Variants in USP24 observed in about 807,000 individuals in gnomAD.
USP24 encodes the protein ubiquitin carboxyl-terminal hydrolase 24.
USP24 carries 97 observed loss-of-function variants against 361.6 expected under a neutral mutation model. The ratio of observed to expected loss-of-function variants is 0.27; its 90% CI spans 0.23 to 0.32. The LOEUF (loss-of-function observed/expected upper bound fraction) is 0.32. USP24 is among the 10% of genes least tolerant of loss of function. The probability of loss-of-function intolerance (pLI) is 1.00; values close to 1 mark genes in which losing one functional copy is unlikely to be tolerated. For synonymous variants in USP24, 1,098 were observed against 1,124.6 expected (o/e 0.98, Z 0.47); for missense variants, 2,353 against 3,165.6 (o/e 0.74, Z 6.16).
At chr1:55,214,231 C>T (rs981414490) in intron 1 of USP24, among the ~76,000 whole-genome samples, 4 of 151,832 alleles carry the variant, frequency 2.6e-5, no homozygotes, top group African/African-American at 9.7e-5. Flanking sequence ...GCTAAAACCC[C>T]AACCTCACTC....
chr1:55,096,694 A>C, intron 49 of USP24, 72 bp from the exon 50 acceptor site: 20 of 1,530,594 alleles, frequency 1.3e-5, no homozygotes, highest in Non-Finnish European at 1.8e-5. Context: ...CATTGATCTC[A>C]ATGTATTGTC....
intron 40 of USP24, 28 bp from the exon 41 acceptor site, chr1:55,106,291 A>C (rs766887018): frequency 6.6e-7 from 1 of 1,521,160 alleles, no homozygotes; most frequent in South Asian, 1.1e-5. Context: ...ATTCATGTTG[A>C]AGATGAACAC....
At chr1:55,146,899 C>T (rs769029385) in intron 19 of USP24, 30 bp downstream of exon 19, 2 of 1,607,616 alleles carry the variant, frequency 1.2e-6, no homozygotes, top group Non-Finnish European at 1.7e-6. Context: ...ATATTTCTGC[C>T]TTACTTTATC....
chr1:55,092,794 T>C, intron 53 of USP24, 27 bp downstream of exon 53: 2 of 1,463,998 alleles, frequency 1.4e-6, no homozygotes, highest in Non-Finnish European at 1.9e-6. Flanking sequence ...CCCTTTCTTA[T>C]TTCTAACAAT....
chr1:55,199,723 T>C (rs1557702041), intron 1 of USP24, among the ~76,000 whole-genome samples: 1 of 152,100 alleles, frequency 6.6e-6, no homozygotes, highest in Non-Finnish European at 1.5e-5. Flanking sequence ...TTCACTGTAT[T>C]GTTCTTTTGA....
intron 67 of USP24, chr1:55,071,124 A>T (rs1317972534): frequency 1.9e-5 from 19 of 984,222 alleles, no homozygotes; most frequent in Non-Finnish European, 1.9e-5. Flanking sequence ...ATAACACTTA[A>T]AAAAAAATGA....
At chr1:55,188,086 G>A (rs1644182050) in intron 1 of USP24, among the ~76,000 whole-genome samples, 1 of 152,074 alleles carries the variant, frequency 6.6e-6, no homozygotes, top group Non-Finnish European at 1.5e-5. Flanking sequence ...AATAATACCT[G>A]GTATTTATGG....
At chr1:55,188,812 T>C (rs1273218564) in intron 1 of USP24, among the ~76,000 whole-genome samples, 1 of 151,356 alleles carries the variant, frequency 6.6e-6, no homozygotes, top group Non-Finnish European at 1.5e-5. Context: ...TATAAAAAAT[T>C]AGCTGGGTGT....
intron 38 of USP24, among the ~76,000 whole-genome samples, chr1:55,115,198 G>GTATC (rs937194195): frequency 1.6e-4 from 24 of 151,982 alleles, no homozygotes; most frequent in African/African-American, 5.8e-4. Flanking sequence ...ATCTTACATG[G>GTATC]TATCTTACAT....
rs1283885822 is a variant in USP24 at position 55,107,349 on chromosome 1, T to A, written c.4652A>T (p.Asn1551Ile). 1 of 1,613,872 alleles carries A rather than the reference T, an allele frequency of 6.2e-7. No individual in the cohort carries two copies. Among genetic ancestry groups the A allele is most frequent in the Non-Finnish European group, 8.5e-7 (1 of 1,179,840 alleles). ...ACTGGTCTCACATTCAGCTGTACGA[T>A]TAGGTTCAAAGTTATCCAGCCAAGT... ...EITWLDNFEP[N>I]RTAECETSEA... The change falls in exon 40 of 68, where the codon AAT becomes ATT. Residue 1551 changes from asparagine to isoleucine, a missense_variant. Asn to Ile is a moderately radical substitution (Grantham distance 149). Around this residue, in one of 8 missense-constraint regions of USP24, gnomAD observed 949 missense variants for 1,280.5 expected, o/e 0.74. Transcript: ENST00000294383.
chr1:55,070,443 A>C (rs972963323), intron 67 of USP24, among the ~76,000 whole-genome samples: 9 of 152,220 alleles, frequency 5.9e-5, no homozygotes, highest in African/African-American at 2.2e-4. Context: ...GTGTCAGGAA[A>C]GCCCTGGAAT....
In USP24 at chr1:55,134,385, G is replaced by A. The variant is rs201533659; in HGVS notation, c.3230C>T (p.Ala1077Val). The change falls in exon 29 of 68, where the codon GCT becomes GTT. Residue 1077 changes from alanine to valine, a missense_variant. Coordinates refer to ENST00000294383, the MANE Select transcript of USP24 (RefSeq NM_015306.3). ...QEKSLPGVVM[A>V]LVCNVFDMLY... ...CATGTCAAATACGTTACATACGAGA[G>A]CCATCACTACACCAGGGAGGGATTT... 1,199 of 1,612,332 alleles carry A rather than the reference G, an allele frequency of 7.4e-4. No homozygotes were observed. Among genetic ancestry groups the A allele is most frequent in the Non-Finnish European group, 9.6e-4 (1,127 of 1,178,812 alleles).
At chr1:55,137,101 T>C (rs756194857) in intron 28 of USP24, among the ~76,000 whole-genome samples, 16 of 152,004 alleles carry the variant, frequency 1.1e-4, no homozygotes, top group Non-Finnish European at 1.9e-4. Context: ...GGAGAGACAG[T>C]GGAAATTCAC....
chr1:55,164,478 T>C (rs6663252), intron 7 of USP24, among the ~76,000 whole-genome samples: 19,082 of 152,020 alleles, frequency 0.13, 1,400 homozygotes, highest in Middle Eastern at 0.24. Context: ...AAATTTATCC[T>C]GGGACACAGC....
chr1:55,134,486 C>CA, intron 28 of USP24, 73 bp from the exon 29 acceptor site: 1 of 1,336,562 alleles, frequency 7.5e-7, no homozygotes, highest in Non-Finnish European at 1.1e-6. Flanking sequence ...AACTTACAAA[C>CA]AATAAAAATA....
At chr1:55,079,873 TCA>T (rs933671213) in intron 59 of USP24, among the ~76,000 whole-genome samples, 2 of 150,422 alleles carry the variant, frequency 1.3e-5, no homozygotes, top group South Asian at 2.1e-4. Flanking sequence ...CACTGAGCAC[TCA>T]CACACAGTAC....
chr1:55,118,021 T>C (rs576604652), intron 38 of USP24, among the ~76,000 whole-genome samples: 34 of 152,204 alleles, frequency 2.2e-4, no homozygotes, highest in Non-Finnish European at 3.7e-4. Context: ...TGTTCAAGGA[T>C]TGAAAGACAA....
chr1:55,202,288 T>C (rs1380135816), intron 1 of USP24, among the ~76,000 whole-genome samples: 1 of 152,224 alleles, frequency 6.6e-6, no homozygotes, highest in Non-Finnish European at 1.5e-5. Flanking sequence ...GTCATTACTG[T>C]GTTTGATACA....
At chr1:55,104,612 A>G (rs1645724999) in intron 41 of USP24, among the ~76,000 whole-genome samples, 1 of 152,214 alleles carries the variant, frequency 6.6e-6, no homozygotes, top group Non-Finnish European at 1.5e-5. Context: ...ATGGACAATA[A>G]TATCTCACTT....
Sources: gnomAD v4.1 joint callset for allele counts (sites outside exome capture counted in the v4.1 genomes callset) on GRCh38, gnomAD v4.1.1 for gene constraint, gnomAD v4.1.1 regional missense constraint, MANE v1.5 for transcripts, NCBI Gene and HGNC (gene_info 2026-07-23, HGNC 2026-07-21) for gene names.